The following ELL variants were observed in gnomAD, a reference collection of about 807,000 sequenced individuals.
ELL encodes the protein RNA polymerase II elongation factor ELL.
In ELL, 18 loss-of-function variants were observed where a neutral mutation model predicts 64.0. The observed-to-expected ratio is 0.28, with a 90% CI of 0.19 to 0.42. The LOEUF (loss-of-function observed/expected upper bound fraction) is 0.42, where lower values mean the gene tolerates loss of function less well. ELL is among the 10% of genes least tolerant of loss of function. The pLI is 1.00. For synonymous variants in ELL, 399 were observed against 376.2 expected (o/e 1.06, Z -0.70); for missense variants, 797 against 870.4 (o/e 0.92, Z 1.06).
intron 1 of ELL, among the ~76,000 whole-genome samples, chr19:18,490,349 C>T (rs1367227316): frequency 2.0e-5 from 3 of 152,108 alleles, no homozygotes; most frequent in Non-Finnish European, 2.9e-5. Flanking sequence ...TCTTCTGGGC[C>T]GACACAGCAG....
In ELL at chr19:18,450,764, G is replaced by A; in HGVS notation, c.1178C>T (p.Ala393Val). Residue 393 changes from alanine to valine, a missense_variant, in exon 8 of 12, where the codon GCC becomes GTC. Ala to Val is a moderately conservative substitution (Grantham distance 64, BLOSUM62 0). Coordinates refer to ENST00000262809, the MANE Select transcript of ELL (RefSeq NM_006532.4). ...HLPPRLEPPR[A>V]HDPLADVSND... ...GCTGACATCGGCCAGGGGGTCGTGG[G>A]CCCTCGGGGGCTCCAGCCGCGGGGG... The A allele has an allele frequency of 6.3e-6, 10 of 1,579,054 alleles. No homozygotes were observed. The highest frequency in any genetic ancestry group is 8.6e-6 in the Non-Finnish European group (10 of 1,162,850).
rs140363292 is a variant in ELL, at chr19:18,460,363, C to T, written c.744+1215G>A. Among the ~76,000 whole-genome samples, 139 of 152,324 alleles carry T rather than the reference C, an allele frequency of 9.1e-4. 1 individual carries two copies. Among genetic ancestry groups the T allele is most frequent in the African/African-American group, 3.2e-3 (132 of 41,578 alleles). On this transcript the variant is annotated intron_variant, in intron 5 of 11. Transcript: ENST00000262809. ...CTGTCCAGGGGAAGTCACAGTGGCA[C>T]AGGAAGGGACAATCTGCCTGCAGAT...
At chr19:18,486,595 G>A (rs1410563273) in intron 1 of ELL, among the ~76,000 whole-genome samples, 7 of 152,144 alleles carry the variant, frequency 4.6e-5, no homozygotes, top group African/African-American at 7.2e-5. Context: ...CAGAAACCAC[G>A]CCCTTTCACG....
chr19:18,460,176 C>T (rs1379069721), intron 5 of ELL, among the ~76,000 whole-genome samples: 2 of 151,554 alleles, frequency 1.3e-5, no homozygotes, highest in Non-Finnish European at 2.9e-5. Flanking sequence ...TTGTCACTGC[C>T]ATTCCTCAGC....
chr19:18,446,116 G>T, intron 10 of ELL, 193 bp downstream of exon 10: 1 of 680,668 alleles, frequency 1.5e-6, no homozygotes, highest in Non-Finnish European at 2.4e-6. Context: ...TGCCTTCAAG[G>T]ACTCCCACAA....
intron 4 of ELL, 116 bp from the exon 5 acceptor site, chr19:18,461,968 C>A: frequency 1.5e-6 from 2 of 1,310,648 alleles, no homozygotes; most frequent in Non-Finnish European, 2.1e-6. Context: ...TGGGAGGCAC[C>A]ACACCAACCA....
At chr19:18,446,940 G>C in intron 8 of ELL, 126 bp from the exon 9 acceptor site, 3 of 1,051,890 alleles carry the variant, frequency 2.9e-6, no homozygotes. Context: ...AGGGATAGCA[G>C]AGGGGATGAC....
At chr19:18,445,349 T>C in intron 10 of ELL, 81 bp from the exon 11 acceptor site, 2 of 1,375,028 alleles carry the variant, frequency 1.5e-6, no homozygotes, top group Non-Finnish European at 1.0e-6. Flanking sequence ...CCAGGTGCTC[T>C]GAGAAGGGGG....
chr19:18,474,522 A>G (rs1975136516), intron 1 of ELL, among the ~76,000 whole-genome samples: 1 of 151,988 alleles, frequency 6.6e-6, no homozygotes, highest in South Asian at 2.1e-4. Context: ...CAAACACGCC[A>G]CCCCTCAACA....
chr19:18,480,148 G>A (rs1366069788), intron 1 of ELL, among the ~76,000 whole-genome samples: 3 of 152,228 alleles, frequency 2.0e-5, no homozygotes, highest in East Asian at 1.9e-4. Context: ...GCCAAGCCAC[G>A]GCGTGTGGTC....
At chr19:18,520,009 C>T (rs974745054) in intron 1 of ELL, among the ~76,000 whole-genome samples, 1 of 152,038 alleles carries the variant, frequency 6.6e-6, no homozygotes, top group South Asian at 2.1e-4. Flanking sequence ...AGCTGGGCTC[C>T]GAGCCAGAGG....
chr19:18,503,360 G>C (rs1975820941), intron 1 of ELL, among the ~76,000 whole-genome samples: 1 of 152,236 alleles, frequency 6.6e-6, no homozygotes, highest in Admixed American at 6.5e-5. Flanking sequence ...GAACAGCAAG[G>C]GAGTGAAGCA....
chr19:18,497,815 CAAAAAAA>C (rs58521941), intron 1 of ELL, among the ~76,000 whole-genome samples: 1 of 54,224 alleles, frequency 1.8e-5, no homozygotes, highest in African/African-American at 6.6e-5. Context: ...GATCTCATCT[CAAAAAAA>C]AAAAAAAAAA....
At chr19:18,462,002 G>C in intron 4 of ELL, 150 bp from the exon 5 acceptor site, 1 of 1,077,654 alleles carries the variant, frequency 9.3e-7, no homozygotes, top group Non-Finnish European at 1.3e-6. Flanking sequence ...CTTGCTCCTT[G>C]GGGACCCTGG....
In ELL at chr19:18,448,298, A is replaced by G. The variant is rs559238144; in HGVS notation, c.1466-1484T>C. 6 of 152,194 alleles carry G rather than the reference A, an allele frequency of 3.9e-5. No individual in the cohort carries two copies. In the East Asian group the frequency reaches 1.2e-3, roughly 29 times the overall value. 9.4% of individuals were successfully genotyped at this position (152,194 alleles called of 1,614,324 possible). ...GAGAGAGCAGGAGTCTGCGATCTCC[A>G]GTTTGCTGAGCCCTCTCTCTCAGTG... On this transcript the variant is annotated intron_variant, in intron 8 of 11. Coordinates refer to ENST00000262809, the MANE Select transcript of ELL (RefSeq NM_006532.4).
At chr19:18,448,845 G>C (rs770781318) in intron 8 of ELL, 1 of 152,106 alleles carries the variant, frequency 6.6e-6, no homozygotes, top group East Asian at 1.9e-4. Context: ...TCCCTGCTTC[G>C]GGGCCCCGGA....
chr19:18,482,270 T>A (rs1425536479), intron 1 of ELL, among the ~76,000 whole-genome samples: 1 of 151,040 alleles, frequency 6.6e-6, no homozygotes, highest in Non-Finnish European at 1.5e-5. Context: ...AGATAAATTT[T>A]ACATTTTACT....
intron 6 of ELL, among the ~76,000 whole-genome samples, chr19:18,453,135 A>G (rs1372866561): frequency 6.6e-6 from 1 of 152,196 alleles, no homozygotes; most frequent in Non-Finnish European, 1.5e-5. Flanking sequence ...TTAGCCGGGC[A>G]TGGTGGTGGG....
In ELL at chr19:18,502,222, C is replaced by G. The variant is rs73525193; in HGVS notation, c.135+19699G>C. ...GGACGCACACCCCCAGTCCAGCACC[C>G]AGAGGTGAATGAAGGATTCCAGGAC... On this transcript the variant is annotated intron_variant, in intron 1 of 11. Coordinates refer to ENST00000262809, the MANE Select transcript of ELL (RefSeq NM_006532.4). 1.3e-3 allele frequency among the ~76,000 whole-genome samples: 191 copies of G among 152,262 alleles called. 1 individual carries two copies. The highest frequency in any genetic ancestry group is 4.4e-3 in the African/African-American group (181 of 41,530).
Sources: gnomAD v4.1 joint callset for allele counts (sites outside exome capture counted in the v4.1 genomes callset) on GRCh38, gnomAD v4.1.1 for gene constraint, MANE v1.5 for transcripts, NCBI Gene and HGNC (gene_info 2026-07-23, HGNC 2026-07-21) for gene names.